The following SLIT2 variants were observed in gnomAD, a reference collection of about 807,000 sequenced individuals.
The protein encoded by SLIT2 is slit guidance ligand 2.
SLIT2 carries 41 observed loss-of-function variants against 185.7 expected under a neutral mutation model. That is an observed-to-expected ratio of 0.22 (90% CI 0.17 to 0.29). The LOEUF is 0.29. Ranked by LOEUF, SLIT2 falls within the 10% of genes least tolerant of loss-of-function variation. The pLI, the probability that SLIT2 is intolerant of heterozygous loss-of-function variation, is 1.00. For missense variants in SLIT2, 1,571 were observed against 1,909.0 expected (o/e 0.82, Z 3.30); for synonymous variants, 693 against 680.2 (o/e 1.02, Z -0.29).
chr4:20,601,621 T>C (rs1325631395), intron 33 of SLIT2, among the ~76,000 whole-genome samples: 1 of 152,246 alleles, frequency 6.6e-6, no homozygotes, highest in Non-Finnish European at 1.5e-5. Flanking sequence ...TTTTGGCCTT[T>C]TTTCAAATGC....
At chr4:20,289,805 T>G (rs4697157) in intron 4 of SLIT2, among the ~76,000 whole-genome samples, 35,063 of 152,080 alleles carry the variant, frequency 0.23, 5,096 homozygotes, top group East Asian at 0.61. Context: ...GAGGAGCCCT[T>G]TGTGACCTAC....
chr4:20,423,371 A>G (rs1728308430), intron 4 of SLIT2, among the ~76,000 whole-genome samples: 2 of 149,184 alleles, frequency 1.3e-5, no homozygotes, highest in African/African-American at 5.0e-5. Flanking sequence ...ATCCCCGAAT[A>G]TTTACCAAAG....
At chr4:20,574,608 G>A (rs1409085271) in intron 29 of SLIT2, among the ~76,000 whole-genome samples, 2 of 152,126 alleles carry the variant, frequency 1.3e-5, no homozygotes, top group East Asian at 3.9e-4. Flanking sequence ...GCAACATGGT[G>A]AAACCCTGTC....
chr4:20,475,544 A>G (rs1015048523), intron 5 of SLIT2, among the ~76,000 whole-genome samples: 2 of 152,180 alleles, frequency 1.3e-5, no homozygotes, highest in Middle Eastern at 3.4e-3. Flanking sequence ...TGAAAACTTC[A>G]CAGACTATTT....
rs200151302 is a variant in SLIT2 at position 20,533,580 on chromosome 4, G to A, written c.1697G>A (p.Ser566Asn). Residue 566 changes from serine (S) to asparagine (N), a missense_variant, in exon 18 of 37, where the codon AGC becomes AAC. Coordinates refer to ENST00000504154, the MANE Select transcript of SLIT2 (RefSeq NM_004787.4). ...KLPQLRKINF[S>N]NNKITDIEEG... is the part of the protein sequence containing the mutation. ...CAACAATTTTTATTTAGAAACTTTA[G>A]CAACAATAAGATCACAGATATTGAG... 6.9e-5 allele frequency: 111 copies of A among 1,606,264 alleles called. No individual in the cohort carries two copies. The highest frequency in any genetic ancestry group is 9.1e-5 in the Non-Finnish European group (107 of 1,175,862).
chr4:20,446,475 TTG>T (rs1711815665), intron 4 of SLIT2, among the ~76,000 whole-genome samples: 1 of 152,196 alleles, frequency 6.6e-6, no homozygotes, highest in Non-Finnish European at 1.5e-5. Flanking sequence ...GTGTTTGGAA[TTG>T]TATCCAGATT....
At chr4:20,595,593 T>C (rs1029077250) in intron 30 of SLIT2, 104 bp from the exon 31 acceptor site, 2 of 1,433,166 alleles carry the variant, frequency 1.4e-6, no homozygotes, top group Non-Finnish European at 1.9e-6. Flanking sequence ...GAGCCTATTC[T>C]AAATAAGTAT....
intron 4 of SLIT2, among the ~76,000 whole-genome samples, chr4:20,282,619 T>G (rs1452949862): frequency 6.6e-6 from 1 of 152,204 alleles, no homozygotes; most frequent in African/African-American, 2.4e-5. Flanking sequence ...TGGGAAATAA[T>G]GAAAGTCATA....
At chr4:20,529,819 A>T (rs1484788507) in intron 16 of SLIT2, among the ~76,000 whole-genome samples, 1 of 152,146 alleles carries the variant, frequency 6.6e-6, no homozygotes, top group Non-Finnish European at 1.5e-5. Flanking sequence ...GCAAAACCTC[A>T]TCATTCTCTA....
chr4:20,254,842 G>C lies in SLIT2; in HGVS notation c.179+848G>C, dbSNP rs1439954778. The C allele has an allele frequency of 2.3e-6, 1 of 439,548 alleles. No homozygotes were observed. Among genetic ancestry groups the C allele is most frequent in the Non-Finnish European group, 4.6e-6 (1 of 218,356 alleles). 27.2% of individuals were successfully genotyped at this position (439,548 alleles called of 1,614,324 possible). A position where few individuals can be genotyped will look rare whatever the true frequency, so the allele number is the denominator to read the frequency against. On this transcript the variant is annotated intron_variant, in intron 1 of 36. Transcript: ENST00000504154. This position sits in a 1 kb window ranked among gnomAD's most constrained non-coding sequence, Gnocchi z 5.1. ...CATCCACCTTTCTGGCAGTTTCTGC[G>C]CCCCTTCACGTGGCAGCAGTTCCCC...
At chr4:20,473,130 T>C (rs1715742310) in intron 5 of SLIT2, among the ~76,000 whole-genome samples, 1 of 141,446 alleles carries the variant, frequency 7.1e-6, no homozygotes, top group African/African-American at 2.7e-5. Flanking sequence ...GCTGCTTTAA[T>C]TTTGCAATAC....
chr4:20,294,844 C>A (rs1279341706), intron 4 of SLIT2, among the ~76,000 whole-genome samples: 1 of 152,090 alleles, frequency 6.6e-6, no homozygotes, highest in Non-Finnish European at 1.5e-5. Flanking sequence ...GCAACATGGG[C>A]AACCTGAAAG....
At position 20,490,566 on chromosome 4, in the gene SLIT2, T is replaced by C. The variant is rs138154220; in HGVS notation, c.776-1195T>C. Among the ~76,000 whole-genome samples the C allele has an allele frequency of 1.3e-3, 195 of 152,288 alleles. 1 individual carries two copies. Among genetic ancestry groups the C allele is most frequent in the Non-Finnish European group, 2.4e-3 (163 of 68,022 alleles). ...TAATGCATCGTAAGTAGTTCACAGA[T>C]TTTTAAAGGCAGGGTAGGGAGACAT... On this transcript the variant is annotated intron_variant, in intron 8 of 36. Transcript: ENST00000504154.
intron 4 of SLIT2, among the ~76,000 whole-genome samples, chr4:20,429,051 G>T (rs776751957): frequency 2.6e-5 from 4 of 152,158 alleles, no homozygotes; most frequent in Non-Finnish European, 5.9e-5. Context: ...CGTCCTCTAT[G>T]GCACAGATGG....
chr4:20,377,834 G>A (rs946642109), intron 4 of SLIT2, among the ~76,000 whole-genome samples: 13 of 152,112 alleles, frequency 8.5e-5, no homozygotes, highest in African/African-American at 2.7e-4. Flanking sequence ...TATCTGTAAT[G>A]CTAAAAATTC....
At chr4:20,512,066 GA>G (rs1314168073) in intron 11 of SLIT2, among the ~76,000 whole-genome samples, 2 of 152,154 alleles carry the variant, frequency 1.3e-5, no homozygotes, top group Non-Finnish European at 2.9e-5. Context: ...AAAATCTTCA[GA>G]AGTCCACCAA....
At chr4:20,554,813 G>A (rs530388893) in intron 26 of SLIT2, among the ~76,000 whole-genome samples, 1 of 152,076 alleles carries the variant, frequency 6.6e-6, no homozygotes, top group Non-Finnish European at 1.5e-5. Context: ...GCCCAGGCTG[G>A]AGTGCAGTGG....
intron 4 of SLIT2, among the ~76,000 whole-genome samples, chr4:20,352,755 A>G (rs1309911919): frequency 6.6e-6 from 1 of 152,152 alleles, no homozygotes. Flanking sequence ...TCTACTGAAA[A>G]TACAAAAATT....
Position 20,616,829 on chromosome 4 carries a change from C to T in SLIT2, c.3848-81C>T, listed in dbSNP as rs571519393. ...TGCCATAATAGGTTGGCAGTGAGGT[C>T]CCAAGCATCAGTATTTCTGAGTAGC... On this transcript the variant is annotated intron_variant, in intron 34 of 36. Coordinates refer to ENST00000504154, the MANE Select transcript of SLIT2 (RefSeq NM_004787.4). 35 of 1,469,806 alleles carry T rather than the reference C, an allele frequency of 2.4e-5. No homozygotes were observed. The East Asian group carries it at 7.8e-4, about 33-fold the overall frequency. The allele number at this position is 1,469,806 out of a possible 1,614,324, so 91.0% of individuals were successfully genotyped here.
Sources: gnomAD v4.1 joint callset for allele counts (sites outside exome capture counted in the v4.1 genomes callset) on GRCh38, gnomAD v4.1.1 for gene constraint, Gnocchi (gnomAD v3.1) non-coding constraint, MANE v1.5 for transcripts, NCBI Gene and HGNC (gene_info 2026-07-23, HGNC 2026-07-21) for gene names.